NCAN: variants seen among roughly 807,000 people sequenced by gnomAD.
NCAN encodes the protein neurocan, also known as neurocan core protein.
In NCAN, 47 loss-of-function variants were observed where a neutral mutation model predicts 121.8. The ratio of observed to expected loss-of-function variants is 0.39; its 90% CI spans 0.31 to 0.49. The LOEUF is 0.49. Ranked by LOEUF, NCAN falls within the 20% of genes least tolerant of loss-of-function variation. The pLI is 0.92. For missense variants in NCAN, 1,517 were observed against 1,773.4 expected (o/e 0.86, Z 2.60); for synonymous variants, 633 against 702.0 (o/e 0.90, Z 1.55).
At chr19:19,219,391 C>T in intron 3 of NCAN, 75 bp downstream of exon 3, 1 of 1,387,454 alleles carries the variant, frequency 7.2e-7, no homozygotes, top group Non-Finnish European at 9.5e-7. Context: ...CACTGAATGT[C>T]ACCTTAGAAA....
At chr19:19,245,070 C>G (rs1456623639) in intron 12 of NCAN, among the ~76,000 whole-genome samples, 1 of 152,158 alleles carries the variant, frequency 6.6e-6, no homozygotes, top group African/African-American at 2.4e-5. Flanking sequence ...TGCGGCCGGG[C>G]ACCCAGGGAG....
intron 3 of NCAN, 47 bp from the exon 4 acceptor site, chr19:19,223,974 T>G (rs1298774291): frequency 6.7e-7 from 1 of 1,484,726 alleles, no homozygotes; most frequent in African/African-American, 1.4e-5. Flanking sequence ...TTCTTGAAGA[T>G]TCCAGCATAA....
chr19:19,225,350 A>C lies in NCAN; in HGVS notation c.1072+80A>C. On this transcript the variant is annotated intron_variant, in intron 6 of 14. Transcript: ENST00000252575. The surrounding 1 kb of genome is among the most constrained non-coding windows in gnomAD (Gnocchi z 4.0). ...ACGTCCCTGAAAGCCTCGCCAAGCC[A>C]AGGGAGAGACACATGGAAGCTCGCT... is the stretch of plus-strand genomic sequence containing the variant. The C allele has an allele frequency of 7.1e-7, 1 of 1,411,688 alleles. No individual in the cohort carries two copies. The highest frequency in any genetic ancestry group is 1.5e-5 in the South Asian group (1 of 65,398). The allele number at this position is 1,411,688 out of a possible 1,614,324, so 87.4% of individuals were successfully genotyped here. A position where few individuals can be genotyped will look rare whatever the true frequency, so the allele number is the denominator to read the frequency against.
At chr19:19,235,598 G>A (rs1276732228) in intron 10 of NCAN, among the ~76,000 whole-genome samples, 1 of 147,804 alleles carries the variant, frequency 6.8e-6, no homozygotes, top group African/African-American at 2.5e-5. Context: ...TTTTTTTTGA[G>A]ACAGAGTCTC....
chr19:19,248,166 C>T (rs1262301486), intron 13 of NCAN, among the ~76,000 whole-genome samples: 2 of 151,812 alleles, frequency 1.3e-5, no homozygotes, highest in African/African-American at 4.8e-5. Context: ...CAATAAGAGC[C>T]AGGCACGGTG....
intron 14 of NCAN, 192 bp downstream of exon 14, chr19:19,249,074 T>TGA (rs1016625821): frequency 1.8e-4 from 107 of 607,058 alleles, no homozygotes; most frequent in Non-Finnish European, 2.9e-4. Context: ...TGTGTGTGTG[T>TGA]GTGTGTATGT....
At chr19:19,231,657 G>C (rs1216347200) in intron 8 of NCAN, among the ~76,000 whole-genome samples, 2 of 152,016 alleles carry the variant, frequency 1.3e-5, no homozygotes, top group East Asian at 3.9e-4. Flanking sequence ...TCAGCCACTA[G>C]GCTGCGAAAT....
intron 11 of NCAN, among the ~76,000 whole-genome samples, chr19:19,240,381 A>C (rs564411255): frequency 1.0e-4 from 15 of 148,388 alleles, no homozygotes; most frequent in Admixed American, 2.0e-4. Context: ...CAGCCCACAG[A>C]GAGGCTGAGG....
In NCAN at chr19:19,250,419, TC is replaced by T; in HGVS notation, c.*511del. The stretch of plus-strand genomic sequence containing the variant: ...CTGTTTTTGAACTTGACAACAGCTC[TC>T]CCTTTACCCTGGACTTCAGCCCAAG... On this transcript the variant is annotated 3_prime_UTR_variant, in exon 15 of 15. Coordinates refer to ENST00000252575, the MANE Select transcript of NCAN (RefSeq NM_004386.3). The T allele has an allele frequency of 6.1e-6, 2 of 328,538 alleles. No homozygotes were observed. 20.4% of individuals were successfully genotyped at this position (328,538 alleles called of 1,614,324 possible). A position where few individuals can be genotyped will look rare whatever the true frequency, so the allele number is the denominator to read the frequency against.
At chr19:19,220,450 C>CTTT (rs71170607) in intron 3 of NCAN, among the ~76,000 whole-genome samples, 1,659 of 72,766 alleles carry the variant, frequency 0.023, 85 homozygotes, top group African/African-American at 0.03. Flanking sequence ...TTAGGCAATT[C>CTTT]TTTTTTTTTT....
At chr19:19,231,042 G>A (rs1478863123) in intron 8 of NCAN, among the ~76,000 whole-genome samples, 1 of 151,876 alleles carries the variant, frequency 6.6e-6, no homozygotes, top group Non-Finnish European at 1.5e-5. Flanking sequence ...CGTAGCGCCG[G>A]GCAGTTCTTT....
At chr19:19,241,794 C>T (rs28410489) in intron 12 of NCAN, among the ~76,000 whole-genome samples, 2,407 of 152,012 alleles carry the variant, frequency 0.016, 73 homozygotes, top group African/African-American at 0.056. Flanking sequence ...CAAAAATGTA[C>T]ATTATTCGGG....
chr19:19,223,928 CA>C (rs1240018848), intron 3 of NCAN, 92 bp from the exon 4 acceptor site: 1 of 1,302,998 alleles, frequency 7.7e-7, no homozygotes, highest in East Asian at 2.5e-5. Context: ...TATTATCAGA[CA>C]GGGGTGGGGA....
intron 1 of NCAN, among the ~76,000 whole-genome samples, chr19:19,213,155 G>A (rs2060781542): frequency 6.6e-6 from 1 of 152,294 alleles, no homozygotes; most frequent in Admixed American, 6.5e-5. Flanking sequence ...GGCAGGAAGG[G>A]GTGGGTGCAC....
rs368247784 is a variant in NCAN at position 19,219,190 on chromosome 19, C to T, written c.349C>T (p.Pro117Ser). Reference sequence around the variant, plus strand: ...GGGACGAGTGTCACTGCCTTCCTACCCCCGGCGCCGAGCCAACGCCACGCT... The same window carrying T: ...GGGACGAGTGTCACTGCCTTCCTACTCCCGGCGCCGAGCCAACGCCACGCT... Reference protein sequence around the residue: ...WQGRVSLPSYPRRRANATLLL... With the variant: ...WQGRVSLPSYSRRRANATLLL... The change falls in exon 3 of 15, where the codon CCC becomes TCC. Residue 117 changes from proline (P) to serine (S), a missense_variant. Transcript: ENST00000252575. 4 of 1,612,028 alleles carry T rather than the reference C, an allele frequency of 2.5e-6. No homozygotes were observed. In the Admixed American group the frequency reaches 5.0e-5, roughly 20 times the overall value.
At position 19,225,408 on chromosome 19, in the gene NCAN, C is replaced by T. The variant is rs779526044; in HGVS notation, c.1072+138C>T. ...AAGCCACATCCCTGGGTGAGGGCCA[C>T]GCCCCCGGGTGAAGGCCACACCCGT... On this transcript the variant is annotated intron_variant, in intron 6 of 14. Coordinates refer to ENST00000252575, the MANE Select transcript of NCAN (RefSeq NM_004386.3). This position sits in a 1 kb window ranked among gnomAD's most constrained non-coding sequence, Gnocchi z 4.0. 5.7e-5 allele frequency: 64 copies of T among 1,121,734 alleles called. No individual in the cohort carries two copies. Among genetic ancestry groups the T allele is most frequent in the Non-Finnish European group, 7.2e-5 (60 of 836,336 alleles). 69.5% of individuals were successfully genotyped at this position (1,121,734 alleles called of 1,614,324 possible). A position where few individuals can be genotyped will look rare whatever the true frequency, so the allele number is the denominator to read the frequency against.
chr19:19,247,871 G>A (rs753888918), intron 13 of NCAN, among the ~76,000 whole-genome samples: 2 of 152,148 alleles, frequency 1.3e-5, no homozygotes, highest in African/African-American at 2.4e-5. Context: ...ATAAGAACTG[G>A]GCAGAGGCAG....
intron 10 of NCAN, among the ~76,000 whole-genome samples, chr19:19,236,383 T>C (rs2060881190): frequency 6.6e-6 from 1 of 152,258 alleles, no homozygotes; most frequent in Admixed American, 6.5e-5. Context: ...TATTCCATTG[T>C]ATGGCTATAT....
Position 19,217,041 on chromosome 19 carries a change from G to C in NCAN, c.73+15G>C, listed in dbSNP as rs376208950. On this transcript the variant is annotated intron_variant, in intron 2 of 14. Transcript: ENST00000252575. Reference sequence around the variant, plus strand: ...TGGGGAACAGGGTGAGTTGGTTTGTGGGGAGGGAGAGATTGGGGTCTAGGG... The same window carrying C: ...TGGGGAACAGGGTGAGTTGGTTTGTCGGGAGGGAGAGATTGGGGTCTAGGG... The C allele has an allele frequency of 9.9e-6, 13 of 1,311,460 alleles. No homozygotes were observed. Among genetic ancestry groups the C allele is most frequent in the African/African-American group, 3.0e-5 (2 of 66,458 alleles). 81.2% of individuals were successfully genotyped at this position (1,311,460 alleles called of 1,614,324 possible). A position where few individuals can be genotyped will look rare whatever the true frequency, so the allele number is the denominator to read the frequency against.
Sources: gnomAD v4.1 joint callset for allele counts (sites outside exome capture counted in the v4.1 genomes callset) on GRCh38, gnomAD v4.1.1 for gene constraint, Gnocchi (gnomAD v3.1) non-coding constraint, MANE v1.5 for transcripts, NCBI Gene and HGNC (gene_info 2026-07-23, HGNC 2026-07-21) for gene names.